The following SRGAP2 variants were observed in gnomAD, a reference collection of about 807,000 sequenced individuals.
The protein encoded by SRGAP2 is SLIT-ROBO Rho GTPase-activating protein 2.
Under a neutral mutation model 57.2 loss-of-function variants are expected in SRGAP2, and 15 were observed. The ratio of observed to expected loss-of-function variants is 0.26; its 90% CI spans 0.18 to 0.40. SRGAP2 has a LOEUF of 0.40. Among genes scored for constraint, SRGAP2 ranks in the 10% least tolerant of loss-of-function variants. The probability of loss-of-function intolerance (pLI) is 1.00; values close to 1 mark genes in which losing one functional copy is unlikely to be tolerated. For synonymous variants in SRGAP2, 249 were observed against 248.0 expected (o/e 1.00, Z -0.04); for missense variants, 520 against 669.6 (o/e 0.78, Z 2.47).
chr1:206,256,955 A>G (rs1405469921), intron 2 of SRGAP2, among the ~76,000 whole-genome samples: 2 of 137,798 alleles, frequency 1.5e-5, no homozygotes, highest in African/African-American at 2.7e-5. Context: ...GAACACCAAC[A>G]ATGTGCCTGG....
chr1:206,437,335 G>A (rs962175529), intron 15 of SRGAP2, among the ~76,000 whole-genome samples: 4 of 152,168 alleles, frequency 2.6e-5, no homozygotes, highest in Non-Finnish European at 2.9e-5. Flanking sequence ...GGCTTCATCC[G>A]GAACCCTTGG....
chr1:206,365,309 C>T (rs1209975712), intron 4 of SRGAP2, among the ~76,000 whole-genome samples: 3 of 150,434 alleles, frequency 2.0e-5, no homozygotes, highest in African/African-American at 7.4e-5. Flanking sequence ...GAGGGTACAC[C>T]CCTCTTATAT....
intron 3 of SRGAP2, among the ~76,000 whole-genome samples, chr1:206,307,822 G>A (rs1298659183): frequency 2.6e-5 from 4 of 151,664 alleles, no homozygotes; most frequent in Admixed American, 6.6e-5. Context: ...CCCGGTTCCC[G>A]CTCGTGCCTC....
intron 2 of SRGAP2, among the ~76,000 whole-genome samples, chr1:206,296,607 A>T (rs1327341484): frequency 6.6e-6 from 1 of 152,062 alleles, no homozygotes; most frequent in Admixed American, 6.5e-5. Context: ...CTTAAAAAAA[A>T]ATTTTGTAGA....
chr1:206,229,410 C>T (rs1426252046), intron 2 of SRGAP2, among the ~76,000 whole-genome samples: 4 of 151,784 alleles, frequency 2.6e-5, no homozygotes, highest in African/African-American at 9.7e-5. Flanking sequence ...CATTAAAACT[C>T]TTGACCATTT....
Position 206,450,405 on chromosome 1 carries a change from A to C in SRGAP2, c.2119A>C (p.Thr707Pro), listed in dbSNP as rs1663163392. 1 of 780,746 alleles carries C rather than the reference A, an allele frequency of 1.3e-6. No homozygotes were observed. Among genetic ancestry groups the C allele is most frequent in the Admixed American group, 1.7e-5 (1 of 59,016 alleles). 48.4% of individuals were successfully genotyped at this position (780,746 alleles called of 1,614,324 possible). A position where few individuals can be genotyped will look rare whatever the true frequency, so the allele number is the denominator to read the frequency against. Reference sequence around the variant, plus strand: ...TTGCAGTGATAGCCCTCATGGAGAGACTACCTCGGTTGAAGACTCAACCCA... The same window carrying C: ...TTGCAGTGATAGCCCTCATGGAGAGCCTACCTCGGTTGAAGACTCAACCCA... ...EDYCDSPHGE[T>P]TSVEDSTQDV... The change falls in exon 19 of 23, where the codon ACT (threonine) becomes CCT (proline). Residue 707 changes from threonine to proline, a missense_variant. Transcript: ENST00000573034.
At chr1:206,396,019 G>C (rs539307743) in intron 7 of SRGAP2, among the ~76,000 whole-genome samples, 19 of 140,890 alleles carry the variant, frequency 1.3e-4, no homozygotes, top group African/African-American at 4.9e-4. Context: ...GTCTCTCTCT[G>C]TCGCCCAGGC....
intron 18 of SRGAP2, among the ~76,000 whole-genome samples, chr1:206,447,980 G>A (rs1344013063): frequency 6.6e-6 from 1 of 152,196 alleles, no homozygotes; most frequent in African/African-American, 2.4e-5. Context: ...ATTAGTCAGG[G>A]AACATTACTA....
intron 13 of SRGAP2, among the ~76,000 whole-genome samples, chr1:206,425,846 CTT>C (rs34299579): frequency 2.0e-4 from 27 of 134,296 alleles, no homozygotes; most frequent in Non-Finnish European, 1.9e-4. Context: ...AACCTCACTT[CTT>C]TTTTTTTTTT....
intron 2 of SRGAP2, among the ~76,000 whole-genome samples, chr1:206,279,938 G>A (rs1160348243): frequency 6.6e-6 from 1 of 151,162 alleles, no homozygotes; most frequent in Admixed American, 6.6e-5. Flanking sequence ...TTTCATTGGC[G>A]GGCGAGGGGG....
chr1:206,331,486 G>T (rs1389548718), intron 3 of SRGAP2, among the ~76,000 whole-genome samples: 1 of 140,226 alleles, frequency 7.1e-6, no homozygotes, highest in African/African-American at 2.8e-5. Context: ...ATGAATCTGG[G>T]TGCTCCTGTA....
intron 2 of SRGAP2, among the ~76,000 whole-genome samples, chr1:206,210,866 G>C (rs1196847941): frequency 6.6e-6 from 1 of 151,574 alleles, no homozygotes; most frequent in Non-Finnish European, 1.5e-5. Context: ...CAAGATGATT[G>C]AGGGCTCCTG....
intron 5 of SRGAP2, among the ~76,000 whole-genome samples, chr1:206,392,170 A>C (rs1356299599): frequency 6.6e-6 from 1 of 151,790 alleles, no homozygotes; most frequent in Non-Finnish European, 1.5e-5. Context: ...ACAGATCCCC[A>C]GAATGCCAGG....
In SRGAP2 at chr1:206,421,011, G is replaced by GA. The variant is rs560385565; in HGVS notation, c.1470-231dup. Among the ~76,000 whole-genome samples, 40 of 151,840 alleles carry GA rather than the reference G, an allele frequency of 2.6e-4. No homozygotes were observed. In the East Asian group the frequency reaches 4.1e-3, roughly 15 times the overall value. On this transcript the variant is annotated intron_variant, in intron 12 of 22. Coordinates refer to ENST00000573034, the MANE Select transcript of SRGAP2 (RefSeq NM_015326.5). Reference sequence around the variant, plus strand: ...AAAGCAGGGACGTCTGTGCTTTTGTGAAAAAAAAGAGCTTTCGTAGGCTTT... The same window carrying GA: ...AAAGCAGGGACGTCTGTGCTTTTGTGAAAAAAAAAGAGCTTTCGTAGGCTTT...
intron 4 of SRGAP2, among the ~76,000 whole-genome samples, chr1:206,375,666 G>A (rs1553344294): frequency 6.6e-6 from 1 of 152,098 alleles, no homozygotes; most frequent in African/African-American, 2.4e-5. Flanking sequence ...GGAGAGCAGA[G>A]GGCCGTTAGC....
intron 17 of SRGAP2, among the ~76,000 whole-genome samples, chr1:206,444,178 CAAA>C (rs782535999): frequency 4.3e-5 from 5 of 117,008 alleles, no homozygotes; most frequent in African/African-American, 3.2e-5. Flanking sequence ...GACTCCGTCT[CAAA>C]AAAAAAAAAA....
At chr1:206,447,454 C>T (rs529764880) in intron 18 of SRGAP2, among the ~76,000 whole-genome samples, 1 of 152,330 alleles carries the variant, frequency 6.6e-6, no homozygotes, top group South Asian at 2.1e-4. Context: ...ATACCAGTGA[C>T]ATCCCTGGGT....
At chr1:206,204,916 C>CA (rs1377905199) in intron 1 of SRGAP2, 1 of 139,914 alleles carries the variant, frequency 7.1e-6, no homozygotes, top group Non-Finnish European at 1.5e-5. Context: ...TGCCCCCCCC[C>CA]CCATCAACAT....
intron 2 of SRGAP2, among the ~76,000 whole-genome samples, chr1:206,290,302 C>G (rs1323825163): frequency 1.3e-5 from 2 of 152,008 alleles, no homozygotes; most frequent in African/African-American, 4.8e-5. Context: ...CCTTCTTTAT[C>G]GAAAAGTTAA....
Sources: gnomAD v4.1 joint callset for allele counts (sites outside exome capture counted in the v4.1 genomes callset) on GRCh38, gnomAD v4.1.1 for gene constraint, MANE v1.5 for transcripts, NCBI Gene and HGNC (gene_info 2026-07-23, HGNC 2026-07-21) for gene names.